Variants in XPOT observed in about 807,000 individuals in gnomAD.
XPOT encodes the protein exportin-T.
Under a neutral mutation model 128.2 loss-of-function variants are expected in XPOT, and 34 were observed. The observed-to-expected ratio is 0.27, with a 90% CI of 0.20 to 0.35. XPOT has a LOEUF of 0.35. XPOT is among the 10% of genes least tolerant of loss of function. The probability of loss-of-function intolerance (pLI) is 1.00; values close to 1 mark genes in which losing one functional copy is unlikely to be tolerated. For synonymous variants in XPOT, 348 were observed against 394.3 expected (o/e 0.88, Z 1.39); for missense variants, 838 against 1,125.3 (o/e 0.74, Z 3.65).
At chr12:64,434,377 T>C in intron 19 of XPOT, 130 bp from the exon 20 acceptor site, 1 of 633,962 alleles carries the variant, frequency 1.6e-6, no homozygotes, top group Non-Finnish European at 2.8e-6. Flanking sequence ...TAAATGCTTT[T>C]TTCCCCCTTC....
Position 64,448,138 on chromosome 12 carries a change from G to C in XPOT, c.*7G>C, listed in dbSNP as rs1009377671. The C allele has an allele frequency of 3.7e-6, 6 of 1,613,840 alleles. No individual in the cohort carries two copies. Among genetic ancestry groups the C allele is most frequent in the South Asian group, 1.1e-5 (1 of 91,064 alleles). Reference sequence around the variant, plus strand: ...CCAGAGAGCAAAGCCCTGAGGACTGGATTTCCCTGTGCCTACTTCATGATC... The same window carrying C: ...CCAGAGAGCAAAGCCCTGAGGACTGCATTTCCCTGTGCCTACTTCATGATC... On this transcript the variant is annotated 3_prime_UTR_variant, in exon 25 of 25. Coordinates refer to ENST00000332707, the MANE Select transcript of XPOT (RefSeq NM_007235.6).
intron 3 of XPOT, 95 bp from the exon 4 acceptor site, chr12:64,416,603 A>C: frequency 1.0e-6 from 1 of 978,008 alleles, no homozygotes; most frequent in Non-Finnish European, 1.6e-6. Context: ...TAGTTTGAGA[A>C]ACTTTTCTGC....
rs1364633543 is a variant in XPOT at position 64,421,394 on chromosome 12, C to A, written c.1003C>A (p.Leu335Ile). The A allele has an allele frequency of 6.2e-7, 1 of 1,613,880 alleles. No individual in the cohort carries two copies. Among genetic ancestry groups the A allele is most frequent in the Non-Finnish European group, 8.5e-7 (1 of 1,179,976 alleles). The part of the protein sequence containing the change: ...IETKVALMLQ[L>I]LIHEDDDISS... ...AACAAAAGTGGCACTGATGTTGCAGCTACTAATTCATGAGGATGATGATAT... is the reference window on the plus strand; with the variant it reads ...AACAAAAGTGGCACTGATGTTGCAGATACTAATTCATGAGGATGATGATAT... Residue 335 changes from leucine to isoleucine, a missense_variant, in exon 9 of 25, where the codon CTA (leucine) becomes ATA (isoleucine). Around this residue, in one of 3 missense-constraint regions of XPOT, gnomAD observed 761 missense variants for 988.3 expected, o/e 0.77. Coordinates refer to ENST00000332707, the MANE Select transcript of XPOT (RefSeq NM_007235.6).
In XPOT at chr12:64,425,125, T is replaced by C; in HGVS notation, c.1395T>C (p.Gly465=). 6.2e-7 allele frequency: 1 copy of C among 1,614,062 alleles called. No individual in the cohort carries two copies. Among genetic ancestry groups the C allele is most frequent in the Non-Finnish European group, 8.5e-7 (1 of 1,179,996 alleles). Residue 465 remains glycine (G), a synonymous_variant, in exon 13 of 25, where the codon GGT becomes GGC. Transcript: ENST00000332707. Reference sequence around the variant, plus strand: ...CAGAAGCTCTTCCAGTATCTCATGGTGCTCACTTCTCAGGTGATGTTTCAA... The same window carrying C: ...CAGAAGCTCTTCCAGTATCTCATGGCGCTCACTTCTCAGGTGATGTTTCAA... ...MLAEALPVSH[G]AHFSGDVSKA... is the part of the protein sequence containing the mutation.
rs1414030116 is a variant in XPOT at position 64,419,012 on chromosome 12, C to T, written c.407C>T (p.Pro136Leu). ...ATTCTCTCAGTAGTGGACCTAAATC[C>T]AAGGGGAGTAGATCTCTACCTGCGA... Reference protein sequence around the residue: ...FDILSVVDLNPRGVDLYLRIL... With the variant: ...FDILSVVDLNLRGVDLYLRIL... The change falls in exon 6 of 25, where the codon CCA becomes CTA. Residue 136 changes from proline (P) to leucine (L), a missense_variant. Transcript: ENST00000332707. 8.7e-6 allele frequency: 14 copies of T among 1,613,930 alleles called. No individual in the cohort carries two copies. The highest frequency in any genetic ancestry group is 1.3e-5 in the African/African-American group (1 of 74,878).
intron 22 of XPOT, 34 bp downstream of exon 22, chr12:64,435,708 T>C: frequency 6.4e-7 from 1 of 1,571,012 alleles, no homozygotes; most frequent in South Asian, 1.2e-5. Flanking sequence ...TTCATTTTCA[T>C]CTCACATGTG....
intron 18 of XPOT, among the ~76,000 whole-genome samples, chr12:64,432,660 A>G (rs146098928): frequency 6.6e-6 from 1 of 152,336 alleles, no homozygotes; most frequent in African/African-American, 2.4e-5. Flanking sequence ...AAACTGAGGC[A>G]TGGAGAAGTG....
Position 64,410,113 on chromosome 12 carries a change from A to G in XPOT, c.60+18A>G. The G allele has an allele frequency of 6.2e-7, 1 of 1,612,394 alleles. No homozygotes were observed. Among genetic ancestry groups the G allele is most frequent in the African/African-American group, 1.3e-5 (1 of 75,050 alleles). On this transcript the variant is annotated intron_variant, in intron 2 of 24. Transcript: ENST00000332707. Reference sequence around the variant, plus strand: ...GACAAAGGGTAAGTTACTCTGCTGAATCATTTTTTAATCATGTCACCACAG... The same window carrying G: ...GACAAAGGGTAAGTTACTCTGCTGAGTCATTTTTTAATCATGTCACCACAG...
intron 23 of XPOT, chr12:64,443,372 C>G (rs533339356): frequency 6.6e-6 from 1 of 152,348 alleles, no homozygotes; most frequent in African/African-American, 2.4e-5. Context: ...CATCACTTCT[C>G]GGCAGATTGC....
chr12:64,442,088 G>A (rs911605221), intron 23 of XPOT, among the ~76,000 whole-genome samples: 1 of 151,830 alleles, frequency 6.6e-6, no homozygotes, highest in Non-Finnish European at 1.5e-5. Context: ...GTGGGGGGGG[G>A]ACCCTTTTAT....
Position 64,449,513 on chromosome 12 carries a change from T to C in XPOT, c.*1382T>C, listed in dbSNP as rs2040393315. ...CCCAATTGAGATGTTCAGGGAGGGT[T>C]TGTTTTGCCCTTTGGCCTCATGAAT... On this transcript the variant is annotated 3_prime_UTR_variant, in exon 25 of 25. Transcript: ENST00000332707. The C allele has an allele frequency of 6.6e-6, 1 of 152,248 alleles. No individual in the cohort carries two copies. The highest frequency in any genetic ancestry group is 1.5e-5 in the Non-Finnish European group (1 of 68,044). The allele number at this position is 152,248 out of a possible 1,614,324, so 9.4% of individuals were successfully genotyped here.
chr12:64,432,308 C>T (rs548041694), intron 18 of XPOT, among the ~76,000 whole-genome samples: 20 of 151,720 alleles, frequency 1.3e-4, no homozygotes, highest in Admixed American at 2.6e-4. Context: ...TGCAGTGGCG[C>T]GGTCACAACT....
rs762536853 is a variant in XPOT, at chr12:64,431,533, T to C, written c.1977-5T>C. ...CATCTGATTGCCTGATTTTTGCTTA[T>C]ATAGTCGAACCAGTAAAGCTTTCAG... On this transcript the variant is annotated splice_polypyrimidine_tract_variant and splice_region_variant and intron_variant, in intron 17 of 24. Coordinates refer to ENST00000332707, the MANE Select transcript of XPOT (RefSeq NM_007235.6). 3 of 1,610,824 alleles carry C rather than the reference T, an allele frequency of 1.9e-6. No individual in the cohort carries two copies. Among genetic ancestry groups the C allele is most frequent in the African/African-American group, 1.3e-5 (1 of 74,972 alleles).
intron 8 of XPOT, among the ~76,000 whole-genome samples, chr12:64,421,016 T>C (rs1396953624): frequency 3.3e-5 from 5 of 152,142 alleles, no homozygotes; most frequent in African/African-American, 1.2e-4. Context: ...TGGCCAGGCT[T>C]GTCTCGAACT....
chr12:64,433,628 T>C, intron 19 of XPOT, 25 bp downstream of exon 19: 2 of 1,567,720 alleles, frequency 1.3e-6, no homozygotes, highest in Non-Finnish European at 1.7e-6. Flanking sequence ...CATATCTAAT[T>C]TGTCTGCTTA....
intron 5 of XPOT, among the ~76,000 whole-genome samples, chr12:64,418,622 A>G (rs953147097): frequency 2.6e-5 from 4 of 152,210 alleles, no homozygotes; most frequent in Admixed American, 2.6e-4. Flanking sequence ...TTTTCTGTCA[A>G]AGTGTAAGAA....
intron 23 of XPOT, among the ~76,000 whole-genome samples, chr12:64,442,358 C>A (rs935635405): frequency 6.6e-6 from 1 of 152,052 alleles, no homozygotes; most frequent in Admixed American, 6.5e-5. Flanking sequence ...GTCTTGAACT[C>A]CTGACCTCAA....
Position 64,420,090 on chromosome 12 carries a change from C to T in XPOT, c.510C>T (p.Leu170=), listed in dbSNP as rs1265581421. The T allele has an allele frequency of 1.9e-6, 3 of 1,583,164 alleles. No individual in the cohort carries two copies. Among genetic ancestry groups the T allele is most frequent in the Non-Finnish European group, 2.6e-6 (3 of 1,170,184 alleles). Residue 170 remains leucine (L), a synonymous_variant, in exon 7 of 25, where the codon CTC becomes CTT. Transcript: ENST00000332707. ...TTTAGGAGGCTCGTAGGAATACTCTCATAAAAGATACCATGAGGGAACAGT... is the reference window on the plus strand; with the variant it reads ...TTTAGGAGGCTCGTAGGAATACTCTTATAAAAGATACCATGAGGGAACAGT... ...HTSEEARRNT[L]IKDTMREQCI...
intron 24 of XPOT, among the ~76,000 whole-genome samples, chr12:64,445,685 T>G (rs776522481): frequency 2.0e-5 from 3 of 152,224 alleles, no homozygotes; most frequent in Non-Finnish European, 2.9e-5. Flanking sequence ...TCATACATAA[T>G]GACTGCTTTT....
Sources: gnomAD v4.1 joint callset for allele counts (sites outside exome capture counted in the v4.1 genomes callset) on GRCh38, gnomAD v4.1.1 for gene constraint, gnomAD v4.1.1 regional missense constraint, MANE v1.5 for transcripts, NCBI Gene and HGNC (gene_info 2026-07-23, HGNC 2026-07-21) for gene names.